POGZ: variants seen among roughly 807,000 people sequenced by gnomAD.
POGZ encodes the protein pogo transposable element with ZNF domain.
A neutral mutation model predicts 134.6 loss-of-function variants in POGZ; 17 were observed. That is an observed-to-expected ratio of 0.13 (90% CI 0.09 to 0.19). The LOEUF (loss-of-function observed/expected upper bound fraction) is 0.19, where lower values mean the gene tolerates loss of function less well. Ranked by LOEUF, POGZ falls within the 10% of genes least tolerant of loss-of-function variation. The pLI is 1.00. For missense variants in POGZ, 1,306 were observed against 1,769.7 expected (o/e 0.74, Z 4.70); for synonymous variants, 693 against 657.1 (o/e 1.05, Z -0.84).
Position 151,442,082 on chromosome 1 carries a change from T to C in POGZ, c.123A>G (p.Thr41=), listed in dbSNP as rs368769533. 4 of 1,591,412 alleles carry C rather than the reference T, an allele frequency of 2.5e-6. No individual in the cohort carries two copies. Among genetic ancestry groups the C allele is most frequent in the Non-Finnish European group, 3.4e-6 (4 of 1,160,816 alleles). ...EDYNSVDKTT[T]VSVSQQPVSA... is the part of the protein sequence containing the mutation. ...TAAGATCAGAAGAGCTTTTGTTACCTGTGGTAGTTTTATCCACTGAATTAT... is the reference window on the plus strand; with the variant it reads ...TAAGATCAGAAGAGCTTTTGTTACCCGTGGTAGTTTTATCCACTGAATTAT... The change falls in exon 2 of 19, where the codon ACA becomes ACG. Residue 41 remains threonine (T), a splice_region_variant and synonymous_variant. Transcript: ENST00000271715.
chr1:151,442,305 C>T (rs1439957580), intron 1 of POGZ, 100 bp from the exon 2 acceptor site: 1 of 888,466 alleles, frequency 1.1e-6, no homozygotes, highest in African/African-American at 1.7e-5. Context: ...GGTAACCTAC[C>T]TCCTTGGACT....
At chr1:151,456,584 C>A (rs898624362) in intron 1 of POGZ, among the ~76,000 whole-genome samples, 1 of 152,198 alleles carries the variant, frequency 6.6e-6, no homozygotes, top group African/African-American at 2.4e-5. Context: ...CCCTAGGCAG[C>A]ATAAATGCTT....
chr1:151,432,237 C>T (rs573180308), intron 3 of POGZ, among the ~76,000 whole-genome samples: 2 of 152,166 alleles, frequency 1.3e-5, no homozygotes, highest in African/African-American at 4.8e-5. Context: ...ATGGCCTCAA[C>T]TTTTTACCCA....
intron 7 of POGZ, 131 bp from the exon 8 acceptor site, chr1:151,425,192 GGTTTTTGTTT>G (rs1303739231): frequency 3.7e-5 from 22 of 588,680 alleles, no homozygotes; most frequent in East Asian, 3.6e-4. Flanking sequence ...AGATCACTAT[GGTTTTTGTTT>G]GTTTTTGTTT....
intron 1 of POGZ, among the ~76,000 whole-genome samples, chr1:151,446,212 C>CCA (rs1661239312): frequency 6.9e-6 from 1 of 145,982 alleles, no homozygotes; most frequent in Admixed American, 6.9e-5. Flanking sequence ...AACTATCATT[C>CCA]CACACATTTA....
chr1:151,424,487 G>C (rs374459706), intron 8 of POGZ: 7 of 448,074 alleles, frequency 1.6e-5, no homozygotes, highest in African/African-American at 8.1e-5. Context: ...GCTATACTTT[G>C]TATTTCTCCC....
At chr1:151,458,556 G>A (rs1241484192) in intron 1 of POGZ, among the ~76,000 whole-genome samples, 1 of 151,252 alleles carries the variant, frequency 6.6e-6, no homozygotes, top group Admixed American at 6.6e-5. Context: ...TCTCGGAGCG[G>A]GAATGGGGCG....
Position 151,408,252 on chromosome 1 carries a change from A to G in POGZ, c.2235-12T>C, listed in dbSNP as rs776993611. On this transcript the variant is annotated splice_polypyrimidine_tract_variant and intron_variant, in intron 14 of 18. Transcript: ENST00000271715. ...GGCCCATGACACTCCTGTGGGGGAAAAAAAAAAAGAATTCTCATTACTGCC... is the reference window on the plus strand; with the variant it reads ...GGCCCATGACACTCCTGTGGGGGAAGAAAAAAAAGAATTCTCATTACTGCC... 15 of 1,595,812 alleles carry G rather than the reference A, an allele frequency of 9.4e-6. No homozygotes were observed. Among genetic ancestry groups the G allele is most frequent in the African/African-American group, 2.7e-5 (2 of 73,608 alleles).
chr1:151,456,078 G>C (rs994526962), intron 1 of POGZ, among the ~76,000 whole-genome samples: 1 of 151,808 alleles, frequency 6.6e-6, no homozygotes, highest in African/African-American at 2.4e-5. Context: ...TAACATTTTG[G>C]AATCTGAAAC....
At chr1:151,440,232 T>C (rs1660314266) in intron 3 of POGZ, among the ~76,000 whole-genome samples, 1 of 151,908 alleles carries the variant, frequency 6.6e-6, no homozygotes, top group African/African-American at 2.4e-5. Context: ...TATATTATTT[T>C]TGTAGTACTA....
At chr1:151,452,822 C>G (rs1480029063) in intron 1 of POGZ, among the ~76,000 whole-genome samples, 2 of 151,014 alleles carry the variant, frequency 1.3e-5, no homozygotes, top group African/African-American at 2.4e-5. Flanking sequence ...CAAGATTGTG[C>G]CACTGCACTC....
chr1:151,447,749 C>T (rs1278837130), intron 1 of POGZ, among the ~76,000 whole-genome samples: 1 of 148,208 alleles, frequency 6.7e-6, no homozygotes, highest in East Asian at 2.0e-4. Flanking sequence ...CTCAGATTCC[C>T]AAAGTGCTGG....
chr1:151,457,400 C>T (rs914205227), intron 1 of POGZ, among the ~76,000 whole-genome samples: 1 of 152,188 alleles, frequency 6.6e-6, no homozygotes, highest in African/African-American at 2.4e-5. Context: ...GACAACCCCC[C>T]TCTGCTCCAT....
At chr1:151,420,979 G>A (rs936279324) in intron 10 of POGZ, among the ~76,000 whole-genome samples, 7 of 85,590 alleles carry the variant, frequency 8.2e-5, no homozygotes, top group African/African-American at 2.1e-4. Context: ...TATACATACC[G>A]TGTTTTTTCA....
At chr1:151,451,952 C>T (rs1331017847) in intron 1 of POGZ, among the ~76,000 whole-genome samples, 1 of 151,404 alleles carries the variant, frequency 6.6e-6, no homozygotes. Context: ...CAAAAATTAG[C>T]CGGGCGTGGT....
chr1:151,443,919 G>A (rs1283631354), intron 1 of POGZ, among the ~76,000 whole-genome samples: 2 of 152,134 alleles, frequency 1.3e-5, no homozygotes. Context: ...TAGTAATTCT[G>A]CTGCTACATC....
intron 12 of POGZ, 68 bp downstream of exon 12, chr1:151,411,557 T>C: frequency 8.7e-7 from 1 of 1,153,472 alleles, no homozygotes; most frequent in East Asian, 2.4e-5. Flanking sequence ...AGCTCAGCCC[T>C]GGCCCCAGCA....
intron 3 of POGZ, among the ~76,000 whole-genome samples, chr1:151,437,894 C>T (rs1659892995): frequency 6.6e-6 from 1 of 152,052 alleles, no homozygotes; most frequent in African/African-American, 2.4e-5. Flanking sequence ...AAGCCATATC[C>T]TTAAAGTTGG....
intron 1 of POGZ, among the ~76,000 whole-genome samples, chr1:151,444,459 A>G (rs1338414055): frequency 6.6e-6 from 1 of 152,092 alleles, no homozygotes; most frequent in Non-Finnish European, 1.5e-5. Context: ...ACTTTCTGAG[A>G]GCTTAGTCAA....
Sources: allele counts gnomAD v4.1 joint callset (sites outside exome capture counted in the v4.1 genomes callset), GRCh38; gene constraint gnomAD v4.1.1; transcripts MANE v1.5; gene names NCBI Gene and HGNC (gene_info 2026-07-23, HGNC 2026-07-21).